Variants in MSRB3 observed in about 807,000 individuals in gnomAD.
MSRB3 encodes methionine-R-sulfoxide reductase B3.
Under a neutral mutation model 21.0 loss-of-function variants are expected in MSRB3, and 13 were observed. That is an observed-to-expected ratio of 0.62 (90% confidence interval 0.40 to 0.98). The LOEUF (loss-of-function observed/expected upper bound fraction) is 0.98. MSRB3 is among the 50% of genes least tolerant of loss of function. MSRB3 has a pLI of 0.00. For missense variants in MSRB3, 199 were observed against 230.3 expected, an observed-to-expected ratio of 0.86 and a Z score of 0.88; for synonymous variants, 87 against 88.6, an observed-to-expected ratio of 0.98 and a Z score of 0.10.
At chr12:65,396,341 A>G (rs1879778214) in intron 5 of MSRB3, among the ~76,000 whole-genome samples, 1 of 152,226 alleles carries the variant, frequency 6.6e-6, no homozygotes, top group African/African-American at 2.4e-5. Flanking sequence ...TTCTATAATT[A>G]TGCTGTTGCT....
At chr12:65,415,882 A>G (rs550290958) in intron 5 of MSRB3, among the ~76,000 whole-genome samples, 1 of 152,196 alleles carries the variant, frequency 6.6e-6, no homozygotes, top group Non-Finnish European at 1.5e-5. Context: ...TGGCAGGCTT[A>G]TAGTGCCAAG....
Position 65,294,073 on chromosome 12 carries a change from C to A in MSRB3, c.-51-14456C>A, listed in dbSNP as rs187306601. ...TGGAGTGCTATCCAGGAATTCCAGG[C>A]AGTGCCCCCAGTATTTCTTAGGTTA... On this transcript the variant is annotated intron_variant, in intron 1 of 6. Transcript: ENST00000308259. Among the ~76,000 whole-genome samples, 586 of 152,304 alleles carry A rather than the reference C, an allele frequency of 3.8e-3. 1 individual carries two copies. The highest frequency in any genetic ancestry group is 0.013 in the African/African-American group (549 of 41,556).
At chr12:65,416,736 G>A (rs1025392892) in intron 5 of MSRB3, among the ~76,000 whole-genome samples, 2 of 152,032 alleles carry the variant, frequency 1.3e-5, no homozygotes, top group Non-Finnish European at 2.9e-5. Flanking sequence ...ATAATATTAC[G>A]GTACCACCAT....
chr12:65,298,905 C>T (rs1873144722), intron 1 of MSRB3, among the ~76,000 whole-genome samples: 1 of 152,098 alleles, frequency 6.6e-6, no homozygotes. Flanking sequence ...AGTTTATAGT[C>T]CCAGGCATAG....
chr12:65,377,396 C>G (rs1192527915), intron 5 of MSRB3, among the ~76,000 whole-genome samples: 1 of 152,128 alleles, frequency 6.6e-6, no homozygotes, highest in Non-Finnish European at 1.5e-5. Context: ...CTCAGCCTCC[C>G]CAATAGCTGG....
chr12:65,301,153 ATTG>A (rs1289107106), intron 1 of MSRB3, among the ~76,000 whole-genome samples: 1 of 152,176 alleles, frequency 6.6e-6, no homozygotes, highest in Non-Finnish European at 1.5e-5. Flanking sequence ...AAAAATGATT[ATTG>A]TTAATCTCAT....
At chr12:65,371,328 CAAAA>C (rs34453745) in intron 5 of MSRB3, among the ~76,000 whole-genome samples, 3 of 84,856 alleles carry the variant, frequency 3.5e-5, no homozygotes, top group African/African-American at 4.6e-5. Flanking sequence ...GACTCCATCT[CAAAA>C]AAAAAAAAAA....
At chr12:65,381,197 T>G (rs1326188665) in intron 5 of MSRB3, among the ~76,000 whole-genome samples, 1 of 152,208 alleles carries the variant, frequency 6.6e-6, no homozygotes, top group Non-Finnish European at 1.5e-5. Flanking sequence ...TGTTTTAGAC[T>G]AAGGCTTTAT....
At chr12:65,460,404 G>T (rs1464639604) in intron 6 of MSRB3, among the ~76,000 whole-genome samples, 1 of 152,220 alleles carries the variant, frequency 6.6e-6, no homozygotes, top group East Asian at 1.9e-4. Flanking sequence ...CTTTCTGGGA[G>T]ACTAGGTTTA....
intron 4 of MSRB3, among the ~76,000 whole-genome samples, chr12:65,345,052 G>A (rs541145296): frequency 6.6e-6 from 1 of 152,100 alleles, no homozygotes; most frequent in East Asian, 1.9e-4. Context: ...ACAAACAATA[G>A]GCATGGAGAG....
At chr12:65,444,245 C>T (rs1205019502) in intron 5 of MSRB3, among the ~76,000 whole-genome samples, 1 of 152,124 alleles carries the variant, frequency 6.6e-6, no homozygotes, top group African/African-American at 2.4e-5. Flanking sequence ...TGATTGAGCA[C>T]CTACTTTGTG....
intron 1 of MSRB3, among the ~76,000 whole-genome samples, chr12:65,299,728 A>G (rs1298874397): frequency 1.3e-5 from 2 of 152,154 alleles, no homozygotes; most frequent in Admixed American, 6.5e-5. Context: ...CCTCTACTTT[A>G]TAAGAGGAGG....
intron 5 of MSRB3, among the ~76,000 whole-genome samples, chr12:65,422,409 TA>T (rs1565885058): frequency 1.3e-4 from 5 of 37,262 alleles, no homozygotes; most frequent in Non-Finnish European, 2.7e-4. Flanking sequence ...TATATATATA[TA>T]TATATATATA....
chr12:65,384,889 G>T (rs1027903388), intron 5 of MSRB3, among the ~76,000 whole-genome samples: 5 of 152,094 alleles, frequency 3.3e-5, no homozygotes, highest in Admixed American at 6.5e-5. Context: ...GGCCATTTTA[G>T]AAAGTTTAAC....
At chr12:65,318,221 G>A in intron 2 of MSRB3, among the ~76,000 whole-genome samples, 1 of 152,018 alleles carries the variant, frequency 6.6e-6, no homozygotes, top group East Asian at 1.9e-4. Context: ...TTTGAAATTT[G>A]ATTTGGGTGG....
At chr12:65,297,679 T>C (rs1873059607) in intron 1 of MSRB3, among the ~76,000 whole-genome samples, 2 of 152,124 alleles carry the variant, frequency 1.3e-5, no homozygotes, top group African/African-American at 4.8e-5. Flanking sequence ...CCAGGATACA[T>C]TGGTTAGATT....
At chr12:65,404,993 T>C (rs1022267012) in intron 5 of MSRB3, among the ~76,000 whole-genome samples, 1 of 152,086 alleles carries the variant, frequency 6.6e-6, no homozygotes, top group South Asian at 2.1e-4. Flanking sequence ...TCTCAGTCTG[T>C]TGCCCAGGCT....
intron 4 of MSRB3, among the ~76,000 whole-genome samples, chr12:65,346,795 T>C (rs1240587524): frequency 1.3e-5 from 2 of 152,196 alleles, no homozygotes; most frequent in Admixed American, 6.5e-5. Flanking sequence ...GTTTCAGCTT[T>C]CTACATATGG....
intron 1 of MSRB3, among the ~76,000 whole-genome samples, chr12:65,293,690 T>C (rs769680010): frequency 3.9e-5 from 6 of 152,210 alleles, no homozygotes. Context: ...ATGTCATCCT[T>C]ACTGCACTTG....
Sources: allele counts gnomAD v4.1 joint callset (sites outside exome capture counted in the v4.1 genomes callset), GRCh38; gene constraint gnomAD v4.1.1; transcripts MANE v1.5; gene names NCBI Gene and HGNC (gene_info 2026-07-23, HGNC 2026-07-21).